NTNG1: variants seen among roughly 807,000 people sequenced by gnomAD.
NTNG1 encodes netrin G1, also known as netrin-G1.
A neutral mutation model predicts 54.0 loss-of-function variants in NTNG1; 16 were observed. The ratio of observed to expected loss-of-function variants is 0.30; its 90% CI spans 0.20 to 0.45. The LOEUF is 0.45. Ranked by LOEUF, NTNG1 falls within the 20% of genes least tolerant of loss-of-function variation. The probability of loss-of-function intolerance (pLI) is 1.00; values close to 1 mark genes in which losing one functional copy is unlikely to be tolerated. For synonymous variants in NTNG1, 255 were observed against 263.1 expected, an observed-to-expected ratio of 0.97 and a Z score of 0.30; for missense variants, 530 against 678.7, an observed-to-expected ratio of 0.78 and a Z score of 2.43.
intron 2 of NTNG1, among the ~76,000 whole-genome samples, chr1:107,288,681 G>A (rs1485208152): frequency 6.6e-6 from 1 of 152,116 alleles, no homozygotes. Flanking sequence ...TTATTGCAAA[G>A]GATTGACAAA....
chr1:107,235,792 G>A (rs1236844903), intron 2 of NTNG1, among the ~76,000 whole-genome samples: 1 of 152,174 alleles, frequency 6.6e-6, no homozygotes, highest in African/African-American at 2.4e-5. Context: ...GAATGCTGCA[G>A]CCAGGGAAGG....
chr1:107,446,919 T>G (rs1014317935), intron 7 of NTNG1, among the ~76,000 whole-genome samples: 1 of 152,126 alleles, frequency 6.6e-6, no homozygotes, highest in Non-Finnish European at 1.5e-5. Context: ...ACAGTTCATC[T>G]GCTCTGCCTC....
At chr1:107,479,420 G>A (rs1288429765) in intron 7 of NTNG1, among the ~76,000 whole-genome samples, 1 of 152,208 alleles carries the variant, frequency 6.6e-6, no homozygotes. Context: ...TTGGGTATGT[G>A]TATATGAGTG....
intron 5 of NTNG1, among the ~76,000 whole-genome samples, chr1:107,422,889 T>C (rs1434485479): frequency 1.3e-5 from 2 of 152,154 alleles, no homozygotes; most frequent in Admixed American, 6.6e-5. Flanking sequence ...AATGTAATTA[T>C]AGGCAACATG....
At chr1:107,395,974 C>T (rs1002765240) in intron 4 of NTNG1, among the ~76,000 whole-genome samples, 5 of 152,140 alleles carry the variant, frequency 3.3e-5, no homozygotes, top group African/African-American at 9.7e-5. Flanking sequence ...GCATTATCCG[C>T]GTTTACAGAA....
intron 2 of NTNG1, among the ~76,000 whole-genome samples, chr1:107,173,144 A>G (rs903798887): frequency 1.3e-5 from 2 of 152,184 alleles, no homozygotes; most frequent in Admixed American, 1.3e-4. Flanking sequence ...TCAAAGAATC[A>G]TGTAGTAGTG....
chr1:107,449,055 A>G (rs981116999), intron 7 of NTNG1, among the ~76,000 whole-genome samples: 1 of 152,118 alleles, frequency 6.6e-6, no homozygotes, highest in African/African-American at 2.4e-5. Context: ...ACATATTGAA[A>G]GAGAAACTCA....
At chr1:107,438,010 G>C (rs1675716568) in intron 7 of NTNG1, among the ~76,000 whole-genome samples, 1 of 152,220 alleles carries the variant, frequency 6.6e-6, no homozygotes, top group African/African-American at 2.4e-5. Flanking sequence ...GTATAATATA[G>C]TAGTAATAGC....
intron 7 of NTNG1, among the ~76,000 whole-genome samples, chr1:107,461,822 G>T (rs1021928038): frequency 6.6e-6 from 1 of 152,232 alleles, no homozygotes; most frequent in South Asian, 2.1e-4. Context: ...GTGAGCCACC[G>T]CGCCTGGCCT....
intron 7 of NTNG1, among the ~76,000 whole-genome samples, chr1:107,480,247 C>T (rs1678601337): frequency 6.6e-6 from 1 of 152,080 alleles, no homozygotes; most frequent in Non-Finnish European, 1.5e-5. Flanking sequence ...ACTCTTGCAT[C>T]GGGCACTTGT....
rs541764953 is a variant in NTNG1, at chr1:107,387,895, A to G, written c.888-7259A>G. ...CCTCTTTTTTCCACTTGCCTTCCGTAATAGAGACTGTCTCCCTCTGATTGT... is the reference window on the plus strand; with the variant it reads ...CCTCTTTTTTCCACTTGCCTTCCGTGATAGAGACTGTCTCCCTCTGATTGT... On this transcript the variant is annotated intron_variant, in intron 3 of 7. Coordinates refer to ENST00000370068, the MANE Select transcript of NTNG1 (RefSeq NM_001113226.3). 1.6e-4 allele frequency among the ~76,000 whole-genome samples: 24 copies of G among 152,314 alleles called. 2 individuals carry two copies. Among genetic ancestry groups the G allele is most frequent in the African/African-American group, 5.5e-4 (23 of 41,570 alleles).
At chr1:107,163,002 A>G (rs1329209978) in intron 2 of NTNG1, among the ~76,000 whole-genome samples, 1 of 152,196 alleles carries the variant, frequency 6.6e-6, no homozygotes, top group African/African-American at 2.4e-5. Flanking sequence ...CACAGCCAGG[A>G]AGTTTACATT....
chr1:107,156,000 A>G (rs528057706), intron 2 of NTNG1, among the ~76,000 whole-genome samples: 1 of 152,220 alleles, frequency 6.6e-6, no homozygotes, highest in Non-Finnish European at 1.5e-5. Context: ...TATACCATAC[A>G]GCCTAGGTAT....
At chr1:107,343,867 G>A (rs191501013) in intron 3 of NTNG1, among the ~76,000 whole-genome samples, 3 of 152,134 alleles carry the variant, frequency 2.0e-5, no homozygotes, top group Admixed American at 6.6e-5. Flanking sequence ...GTTTCCAAAG[G>A]GGGCTGCTGC....
At chr1:107,346,525 A>G (rs1420680408) in intron 3 of NTNG1, among the ~76,000 whole-genome samples, 3 of 152,128 alleles carry the variant, frequency 2.0e-5, no homozygotes, top group African/African-American at 7.2e-5. Context: ...TTTTCTCTCA[A>G]GGTGCACACA....
intron 2 of NTNG1, among the ~76,000 whole-genome samples, chr1:107,170,259 C>A (rs905883562): frequency 1.3e-5 from 2 of 151,840 alleles, no homozygotes; most frequent in African/African-American, 4.8e-5. Flanking sequence ...ATAACTTAGA[C>A]CTAAAGGAAG....
intron 2 of NTNG1, among the ~76,000 whole-genome samples, chr1:107,217,615 A>G (rs1660060709): frequency 6.6e-6 from 1 of 152,078 alleles, no homozygotes. Context: ...CTTAGCACTG[A>G]CCTTGCTATA....
intron 2 of NTNG1, among the ~76,000 whole-genome samples, chr1:107,318,067 C>T (rs192387325): frequency 6.6e-6 from 1 of 152,142 alleles, no homozygotes; most frequent in Non-Finnish European, 1.5e-5. Flanking sequence ...ATGTAGTAGT[C>T]CCACTTTATC....
At chr1:107,214,944 C>G (rs551837481) in intron 2 of NTNG1, among the ~76,000 whole-genome samples, 1 of 151,640 alleles carries the variant, frequency 6.6e-6, no homozygotes. Flanking sequence ...TGATAATTGT[C>G]TATTTTGTCC....
Sources: allele counts gnomAD v4.1 joint callset (sites outside exome capture counted in the v4.1 genomes callset), GRCh38; gene constraint gnomAD v4.1.1; transcripts MANE v1.5; gene names NCBI Gene and HGNC (gene_info 2026-07-23, HGNC 2026-07-21).